KCNT1: variants seen among roughly 807,000 people sequenced by gnomAD.
The protein encoded by KCNT1 is potassium channel subfamily T member 1.
A neutral mutation model predicts 147.8 loss-of-function variants in KCNT1; 78 were observed. The ratio of observed to expected loss-of-function variants is 0.53; its 90% CI spans 0.44 to 0.64. The LOEUF (loss-of-function observed/expected upper bound fraction) is 0.64, where lower values mean the gene tolerates loss of function less well. Among genes scored for constraint, KCNT1 ranks in the 30% least tolerant of loss-of-function variants. The pLI is 0.00. For synonymous variants in KCNT1, 867 were observed against 748.8 expected (o/e 1.16, Z -2.58); for missense variants, 1,419 against 1,750.3 (o/e 0.81, Z 3.38).
chr9:135,743,450 G>A (rs1015062965), intron 2 of KCNT1, among the ~76,000 whole-genome samples: 5 of 152,106 alleles, frequency 3.3e-5, no homozygotes, highest in South Asian at 2.1e-4. Context: ...CAGCACTCAC[G>A]GCTGTTGAGC....
At chr9:135,769,358 G>A (rs1832585764) in intron 15 of KCNT1, among the ~76,000 whole-genome samples, 3 of 152,182 alleles carry the variant, frequency 2.0e-5, no homozygotes, top group Admixed American at 1.3e-4. Flanking sequence ...CACGCAGTTA[G>A]GCGAGCTGTG....
chr9:135,758,347 C>A, intron 9 of KCNT1, 67 bp from the exon 10 acceptor site: 2 of 1,208,354 alleles, frequency 1.7e-6, no homozygotes, highest in South Asian at 1.2e-5. Context: ...TCCTTCTAGT[C>A]TCTATTCATT....
chr9:135,707,436 G>A (rs1173299132), intron 1 of KCNT1, among the ~76,000 whole-genome samples: 1 of 152,218 alleles, frequency 6.6e-6, no homozygotes, highest in Non-Finnish European at 1.5e-5. Flanking sequence ...CTCAGCTCGA[G>A]GGTACTGACA....
At position 135,793,510 on chromosome 9, in the gene KCNT1, A is replaced by AT. The variant is rs1181556714; in HGVS notation, c.*1350dup. The AT allele has an allele frequency of 6.6e-6, 1 of 152,202 alleles. No homozygotes were observed. Among genetic ancestry groups the AT allele is most frequent in the African/African-American group, 2.4e-5 (1 of 41,432 alleles). 9.4% of individuals were successfully genotyped at this position (152,202 alleles called of 1,614,324 possible). On this transcript the variant is annotated 3_prime_UTR_variant, in exon 31 of 31. Coordinates refer to ENST00000371757, the MANE Select transcript of KCNT1 (RefSeq NM_020822.3). ...CATCTGAGGCCAGTGGCTGCTGGGGATCCCCTACACTGGGGGTCAGGGCTG... is the reference window on the plus strand; with the variant it reads ...CATCTGAGGCCAGTGGCTGCTGGGGATTCCCCTACACTGGGGGTCAGGGCTG...
At chr9:135,771,634 C>T (rs1001437147) in intron 18 of KCNT1, among the ~76,000 whole-genome samples, 9 of 152,234 alleles carry the variant, frequency 5.9e-5, no homozygotes, top group Non-Finnish European at 1.0e-4. Context: ...AATGAGGTCG[C>T]AGTGGCCGAG....
rs982012788 is a variant in KCNT1, at chr9:135,752,182, C to G, written c.434+1141C>G. 3 of 354,052 alleles carry G rather than the reference C, an allele frequency of 8.5e-6. No individual in the cohort carries two copies. Among genetic ancestry groups the G allele is most frequent in the Non-Finnish European group, 1.7e-5 (3 of 178,704 alleles). 21.9% of individuals were successfully genotyped at this position (354,052 alleles called of 1,614,324 possible). ...AACCCTGCCAGCATGCTGGTCCCCC[C>G]TCTGGCTGCGCAGAGCAGGTTCTTC... On this transcript the variant is annotated intron_variant, in intron 4 of 30. Coordinates refer to ENST00000371757, the MANE Select transcript of KCNT1 (RefSeq NM_020822.3). The surrounding 1 kb of genome is among the most constrained non-coding windows in gnomAD (Gnocchi z 5.1).
intron 29 of KCNT1, among the ~76,000 whole-genome samples, chr9:135,788,513 G>A (rs1243132573): frequency 6.6e-6 from 1 of 152,228 alleles, no homozygotes; most frequent in Admixed American, 6.5e-5. Context: ...GGCCACCCTG[G>A]CCTACAGCCA....
At chr9:135,775,500 C>T in intron 20 of KCNT1, 85 bp downstream of exon 20, 1 of 1,006,418 alleles carries the variant, frequency 9.9e-7, no homozygotes. Flanking sequence ...TCTTTGGTCA[C>T]TTTACATTTC....
At chr9:135,783,546 G>C (rs1349149386) in intron 24 of KCNT1, among the ~76,000 whole-genome samples, 1 of 152,202 alleles carries the variant, frequency 6.6e-6, no homozygotes, top group Non-Finnish European at 1.5e-5. Flanking sequence ...GAAACTCAGT[G>C]GGTCCATTGC....
At chr9:135,729,672 G>A (rs542253289) in intron 2 of KCNT1, among the ~76,000 whole-genome samples, 38 of 152,336 alleles carry the variant, frequency 2.5e-4, no homozygotes, top group African/African-American at 8.4e-4. Flanking sequence ...GCACGTGTCC[G>A]GTGGCCTCTC....
At position 135,765,102 on chromosome 9, in the gene KCNT1, G is replaced by A. The variant is rs780657328; in HGVS notation, c.1107G>A (p.Gln369=). Residue 369 remains glutamine (Q), a synonymous_variant, in exon 12 of 31, where the codon CAG becomes CAA. Transcript: ENST00000371757. Reference sequence around the variant, plus strand: ...GCAACTACAGCCGCCACCGTGCGCAGACGGAGAAGCACGTGGTCCTGTGTG... The same window carrying A: ...GCAACTACAGCCGCCACCGTGCGCAAACGGAGAAGCACGTGGTCCTGTGTG... ...SGGNYSRHRA[Q]TEKHVVLCVS... 3 of 1,613,554 alleles carry A rather than the reference G, an allele frequency of 1.9e-6. No individual in the cohort carries two copies. Among genetic ancestry groups the A allele is most frequent in the South Asian group, 2.2e-5 (2 of 91,084 alleles).
intron 1 of KCNT1, among the ~76,000 whole-genome samples, chr9:135,710,880 C>T (rs578074752): frequency 4.0e-4 from 61 of 152,324 alleles, no homozygotes; most frequent in South Asian, 1.7e-3. Flanking sequence ...AGAAGACCTC[C>T]GTCTTCCGCC....
At chr9:135,735,266 G>A (rs546296734) in intron 2 of KCNT1, among the ~76,000 whole-genome samples, 1 of 152,344 alleles carries the variant, frequency 6.6e-6, no homozygotes, top group East Asian at 1.9e-4. Context: ...CGCTAGGGCA[G>A]GTATCGGGAG....
At chr9:135,770,787 G>GT in intron 17 of KCNT1, 70 bp from the exon 18 acceptor site, 1 of 1,386,004 alleles carries the variant, frequency 7.2e-7, no homozygotes. Context: ...TGATTTGCAG[G>GT]AAGGGCAGGC....
chr9:135,765,822 C>G, intron 13 of KCNT1, 62 bp downstream of exon 13: 5 of 1,459,704 alleles, frequency 3.4e-6, no homozygotes, highest in Non-Finnish European at 3.8e-6. Context: ...GTCGGCTGCT[C>G]AGGGCTGAGG....
At chr9:135,756,976 CTCCCCACCCTCCCCAGCCT>C in intron 7 of KCNT1, 44 bp downstream of exon 7, 1 of 837,694 alleles carries the variant, frequency 1.2e-6, no homozygotes, top group South Asian at 2.9e-5. Flanking sequence ...GGTCCCCACC[CTCCCCACCCTCCCCAGCCT>C]CCCCCACCTC....
rs141446349 is a variant in KCNT1 at position 135,781,344 on chromosome 9, G to A, written c.2841+1874G>A. Among the ~76,000 whole-genome samples, 458 of 152,280 alleles carry A rather than the reference G, an allele frequency of 3.0e-3. 3 individuals carry two copies. Among genetic ancestry groups the A allele is most frequent in the African/African-American group, 0.01 (419 of 41,570 alleles). On this transcript the variant is annotated intron_variant, in intron 24 of 30. Coordinates refer to ENST00000371757, the MANE Select transcript of KCNT1 (RefSeq NM_020822.3). ...CAGGCATATACAGAGACGTGGAGCC[G>A]AGGGAGGAGAGGGTGCCGTGGACCA...
intron 20 of KCNT1, 35 bp downstream of exon 20, chr9:135,775,450 C>A: frequency 1.3e-6 from 2 of 1,524,358 alleles, no homozygotes; most frequent in Non-Finnish European, 1.8e-6. Context: ...TCTGCACCCC[C>A]AGACGCCAGC....
chr9:135,734,895 C>T (rs534130245), intron 2 of KCNT1, among the ~76,000 whole-genome samples: 10 of 152,294 alleles, frequency 6.6e-5, no homozygotes, highest in South Asian at 6.2e-4. Context: ...GCAGTCATGG[C>T]GCGGTGAAGG....
Sources: gnomAD v4.1 joint callset for allele counts (sites outside exome capture counted in the v4.1 genomes callset) on GRCh38, gnomAD v4.1.1 for gene constraint, Gnocchi (gnomAD v3.1) non-coding constraint, MANE v1.5 for transcripts, NCBI Gene and HGNC (gene_info 2026-07-23, HGNC 2026-07-21) for gene names.